Variants in NXPE4 observed in about 807,000 individuals in gnomAD.
NXPE4 encodes neurexophilin and PC-esterase domain family member 4.
NXPE4 carries 42 observed loss-of-function variants against 33.3 expected under a neutral mutation model. The ratio of observed to expected loss-of-function variants is 1.26; its 90% CI spans 0.98 to 1.63. The LOEUF (loss-of-function observed/expected upper bound fraction) is 1.63. Ranked by LOEUF, NXPE4 falls within the 40% of genes most tolerant of loss-of-function variation. The pLI is 0.00. For missense variants in NXPE4, 709 were observed against 647.6 expected, an observed-to-expected ratio of 1.09 and a Z score of -1.03; for synonymous variants, 253 against 234.9, an observed-to-expected ratio of 1.08 and a Z score of -0.71.
chr11:114,605,493 A>G, the NXPE4 span, among the ~76,000 whole-genome samples: 1 of 151,842 alleles, frequency 6.6e-6, no homozygotes, highest in Non-Finnish European at 1.5e-5. Context: ...CCCGGTGGAT[A>G]ATAAGTGTTG....
chr11:114,612,108 C>T, the NXPE4 span, among the ~76,000 whole-genome samples: 1 of 151,884 alleles, frequency 6.6e-6, no homozygotes, highest in South Asian at 2.1e-4. Context: ...CGGGTAACCA[C>T]TGTTACCTGG....
the NXPE4 span, among the ~76,000 whole-genome samples, chr11:114,653,348 T>C: frequency 6.6e-6 from 1 of 152,284 alleles, no homozygotes; most frequent in South Asian, 2.1e-4. Context: ...ACTTTTATTG[T>C]CCCTATAAGC....
the NXPE4 span, among the ~76,000 whole-genome samples, chr11:114,623,561 C>T: frequency 6.6e-6 from 1 of 152,004 alleles, no homozygotes; most frequent in African/African-American, 2.4e-5. Context: ...TACGTATTGC[C>T]TCATGGGTAA....
the NXPE4 span, among the ~76,000 whole-genome samples, chr11:114,656,696 A>G: frequency 6.6e-6 from 1 of 152,190 alleles, no homozygotes; most frequent in African/African-American, 2.4e-5. Flanking sequence ...AAAAATAGGC[A>G]AGCAGAGAGC....
the NXPE4 span, among the ~76,000 whole-genome samples, chr11:114,672,415 CA>C: frequency 2.6e-5 from 4 of 151,216 alleles, no homozygotes; most frequent in Admixed American, 6.6e-5. Flanking sequence ...AAAGGAAGAA[CA>C]GAGAAAAAAA....
chr11:114,625,798 G>A, the NXPE4 span, among the ~76,000 whole-genome samples: 1 of 152,116 alleles, frequency 6.6e-6, no homozygotes, highest in South Asian at 2.1e-4. Flanking sequence ...CAGACAGTGG[G>A]TGCAGGTCAG....
chr11:114,600,288 A>T (rs35957693), upstream of NXPE4, among the ~76,000 whole-genome samples: 21,790 of 152,164 alleles, frequency 0.14, 1,911 homozygotes, highest in East Asian at 0.37. Flanking sequence ...ATAATCTGCC[A>T]GCCTTTTCTA....
the NXPE4 span, among the ~76,000 whole-genome samples, chr11:114,624,309 G>T: frequency 2.6e-4 from 39 of 152,140 alleles, 1 homozygote; most frequent in South Asian, 7.0e-3. Context: ...TGGATAATAA[G>T]TGTTGCCTCA....
intron 5 of NXPE4, among the ~76,000 whole-genome samples, chr11:114,578,080 T>G (rs1949056558): frequency 6.6e-6 from 1 of 152,170 alleles, no homozygotes; most frequent in Non-Finnish European, 1.5e-5. Context: ...CAGGGCTAAC[T>G]GCTTTGTAGT....
At chr11:114,637,177 T>C in the NXPE4 span, among the ~76,000 whole-genome samples, 1 of 151,962 alleles carries the variant, frequency 6.6e-6, no homozygotes, top group African/African-American at 2.4e-5. Flanking sequence ...TTTAGGATAG[T>C]TAGCTCTTCT....
the NXPE4 span, among the ~76,000 whole-genome samples, chr11:114,620,953 G>C: frequency 1.3e-5 from 2 of 152,174 alleles, no homozygotes; most frequent in South Asian, 4.1e-4. Context: ...TTACCTGTTG[G>C]ATAATAAGTG....
the NXPE4 span, among the ~76,000 whole-genome samples, chr11:114,653,794 C>T: frequency 6.6e-6 from 1 of 152,012 alleles, no homozygotes; most frequent in African/African-American, 2.4e-5. Flanking sequence ...TCCCAAAGTG[C>T]TGGGATTACA....
At chr11:114,621,387 T>C in the NXPE4 span, among the ~76,000 whole-genome samples, 4 of 151,546 alleles carry the variant, frequency 2.6e-5, no homozygotes, top group African/African-American at 9.7e-5. Context: ...ATATCTGTTA[T>C]CTCGTGGGTA....
At chr11:114,634,690 G>A in the NXPE4 span, among the ~76,000 whole-genome samples, 34 of 151,866 alleles carry the variant, frequency 2.2e-4, no homozygotes, top group African/African-American at 7.7e-4. Flanking sequence ...ATCGCTAGTT[G>A]GTTTTCCCAG....
the NXPE4 span, among the ~76,000 whole-genome samples, chr11:114,616,803 A>G: frequency 6.6e-6 from 1 of 151,778 alleles, no homozygotes; most frequent in African/African-American, 2.4e-5. Flanking sequence ...CACAGTGGAT[A>G]ATAAGTGTTG....
At chr11:114,639,363 C>T in the NXPE4 span, among the ~76,000 whole-genome samples, 8 of 152,084 alleles carry the variant, frequency 5.3e-5, no homozygotes, top group East Asian at 3.9e-4. Context: ...TTCCAGGTGC[C>T]GTCTGTTACC....
chr11:114,633,206 G>C, the NXPE4 span, among the ~76,000 whole-genome samples: 8 of 127,056 alleles, frequency 6.3e-5, no homozygotes, highest in African/African-American at 1.2e-4. Flanking sequence ...GTATAAACAT[G>C]TATATTACAT....
chr11:114,660,586 T>C, the NXPE4 span, among the ~76,000 whole-genome samples: 1 of 151,918 alleles, frequency 6.6e-6, no homozygotes, highest in African/African-American at 2.4e-5. Context: ...AAAGTTATGG[T>C]AAACTAAAAA....
At chr11:114,586,951 C>T (rs906121392) in intron 2 of NXPE4, among the ~76,000 whole-genome samples, 1 of 152,136 alleles carries the variant, frequency 6.6e-6, no homozygotes, top group Admixed American at 6.6e-5. Context: ...CAGAGGTCCT[C>T]CTTCCCTCCC....
Sources: allele counts gnomAD v4.1 joint callset (sites outside exome capture counted in the v4.1 genomes callset), GRCh38; gene constraint gnomAD v4.1.1; transcripts MANE v1.5; gene names NCBI Gene and HGNC (gene_info 2026-07-23, HGNC 2026-07-21).